PLEKHM3: variants seen among roughly 807,000 people sequenced by gnomAD.
The protein encoded by PLEKHM3 is pleckstrin homology domain containing M3.
In PLEKHM3, 45 loss-of-function variants were observed where a neutral mutation model predicts 81.8. That is an observed-to-expected ratio of 0.55 (90% CI 0.43 to 0.71). The LOEUF (loss-of-function observed/expected upper bound fraction) is 0.71. PLEKHM3 is among the 30% of genes least tolerant of loss of function. The pLI, the probability that PLEKHM3 is intolerant of heterozygous loss-of-function variation, is 0.00. For missense variants in PLEKHM3, 788 were observed against 924.3 expected, an observed-to-expected ratio of 0.85 and a Z score of 1.91; for synonymous variants, 352 against 356.4, an observed-to-expected ratio of 0.99 and a Z score of 0.14.
At chr2:207,848,135 G>T (rs567075275) in intron 7 of PLEKHM3, among the ~76,000 whole-genome samples, 1 of 152,174 alleles carries the variant, frequency 6.6e-6, no homozygotes, top group Non-Finnish European at 1.5e-5. Flanking sequence ...AAAAACAAAG[G>T]CCGAGCAAAT....
intron 1 of PLEKHM3, among the ~76,000 whole-genome samples, chr2:208,007,682 C>G (rs893197972): frequency 6.6e-6 from 1 of 152,156 alleles, no homozygotes; most frequent in African/African-American, 2.4e-5. Flanking sequence ...CTTTGGGAGG[C>G]TGAGGCAGGA....
At chr2:207,941,910 A>G (rs1239902908) in intron 4 of PLEKHM3, among the ~76,000 whole-genome samples, 2 of 152,248 alleles carry the variant, frequency 1.3e-5, no homozygotes, top group African/African-American at 2.4e-5. Flanking sequence ...CAAAACCACA[A>G]TGAGATATCA....
intron 3 of PLEKHM3, among the ~76,000 whole-genome samples, chr2:207,947,496 C>T (rs56158653): frequency 0.034 from 5,223 of 152,218 alleles, 277 homozygotes; most frequent in African/African-American, 0.12. Flanking sequence ...ACAATCATCC[C>T]CAAGGACAAA....
At chr2:207,923,878 CACATAT>C (rs1339899246) in intron 5 of PLEKHM3, among the ~76,000 whole-genome samples, 49 of 38,944 alleles carry the variant, frequency 1.3e-3, no homozygotes, top group Admixed American at 6.6e-3. Context: ...CACACACACA[CACATAT>C]ATATATATAT....
At position 207,977,125 on chromosome 2, in the gene PLEKHM3, G is replaced by C. The variant is rs746708061; in HGVS notation, c.1072C>G (p.Gln358Glu). ...PPSPVLDSSK[Q>E]YQNILKSGTL... The stretch of plus-strand genomic sequence containing the variant: ...CCTGATTTGAGGATGTTTTGGTACT[G>C]TTTGGAGCTGTCCAGGACAGGGGAC... The change falls in exon 3 of 8, where the codon CAG becomes GAG. Residue 358 changes from glutamine (Q) to glutamate (E), a missense_variant. Gln to Glu is a conservative substitution (Grantham distance 29). Coordinates refer to ENST00000427836, the MANE Select transcript of PLEKHM3 (RefSeq NM_001080475.3). The C allele has an allele frequency of 1.9e-6, 3 of 1,614,110 alleles. No individual in the cohort carries two copies. In the East Asian group the frequency reaches 6.7e-5, roughly 36 times the overall value.
At chr2:207,912,504 T>A (rs573647479) in intron 5 of PLEKHM3, among the ~76,000 whole-genome samples, 17 of 152,308 alleles carry the variant, frequency 1.1e-4, no homozygotes, top group African/African-American at 4.1e-4. Flanking sequence ...GCTTATTGTG[T>A]CTGGAGAACT....
At position 207,976,812 on chromosome 2, in the gene PLEKHM3, T is replaced by C. The variant is rs1416740620; in HGVS notation, c.1385A>G (p.Glu462Gly). 6.2e-7 allele frequency: 1 copy of C among 1,614,246 alleles called. No homozygotes were observed. The highest frequency in any genetic ancestry group is 8.5e-7 in the Non-Finnish European group (1 of 1,180,052). ...CCTCAGTGTGACTTGCAGGTTTTGC[T>C]CTGAACTCCTCGCCACATTGGCAGC... Reference protein sequence around the residue: ...KIAANVARSSEQNLQVTLRNK... With the variant: ...KIAANVARSSGQNLQVTLRNK... The change falls in exon 3 of 8, where the codon GAG (glutamate) becomes GGG (glycine). Residue 462 changes from glutamate (E) to glycine (G), a missense_variant. Glu to Gly is a moderately conservative substitution (Grantham distance 98). Transcript: ENST00000427836. This position sits in a 1 kb window ranked among gnomAD's most constrained non-coding sequence, Gnocchi z 4.1.
intron 7 of PLEKHM3, among the ~76,000 whole-genome samples, chr2:207,831,188 GA>G (rs1261190491): frequency 6.6e-6 from 1 of 152,230 alleles, no homozygotes; most frequent in Non-Finnish European, 1.5e-5. Context: ...ATTGCAGCCT[GA>G]CTTCACCCAT....
chr2:207,960,733 T>TA (rs775402739), intron 3 of PLEKHM3, among the ~76,000 whole-genome samples: 2 of 152,194 alleles, frequency 1.3e-5, no homozygotes, highest in Non-Finnish European at 2.9e-5. Flanking sequence ...AGAGTCGGGC[T>TA]AAAGGGGCTG....
rs1039770902 is a variant in PLEKHM3 at position 207,976,039 on chromosome 2, C to T, written c.1546+612G>A. On this transcript the variant is annotated intron_variant, in intron 3 of 7. Transcript: ENST00000427836. This position sits in a 1 kb window ranked among gnomAD's most constrained non-coding sequence, Gnocchi z 4.1. ...CACTTTGCATCTCATCCTTACATAGCAGTTCCAGAAGGCCTGGGCTTCCCC... is the reference window on the plus strand; with the variant it reads ...CACTTTGCATCTCATCCTTACATAGTAGTTCCAGAAGGCCTGGGCTTCCCC... 6.6e-6 allele frequency among the ~76,000 whole-genome samples: 1 copy of T among 152,014 alleles called. No individual in the cohort carries two copies. Among genetic ancestry groups the T allele is most frequent in the Non-Finnish European group, 1.5e-5 (1 of 68,026 alleles).
chr2:207,840,487 T>C (rs903396451), intron 7 of PLEKHM3, among the ~76,000 whole-genome samples: 19 of 152,244 alleles, frequency 1.2e-4, no homozygotes, highest in African/African-American at 4.6e-4. Flanking sequence ...TGAGCCACCA[T>C]GCCCAGCCAA....
chr2:207,838,084 A>G (rs1470619371), intron 7 of PLEKHM3, among the ~76,000 whole-genome samples: 2 of 152,092 alleles, frequency 1.3e-5, no homozygotes, highest in East Asian at 3.9e-4. Context: ...GAGTTCTCCC[A>G]TTTTTATTAA....
intron 2 of PLEKHM3, among the ~76,000 whole-genome samples, chr2:207,987,381 C>T (rs1691763228): frequency 6.6e-6 from 1 of 152,222 alleles, no homozygotes; most frequent in South Asian, 2.1e-4. Context: ...CTAAACTTCA[C>T]CTGTTATACA....
intron 7 of PLEKHM3, among the ~76,000 whole-genome samples, chr2:207,858,174 G>GTGTGTGTGTA (rs373920637): frequency 0.039 from 4,800 of 122,998 alleles, 115 homozygotes; most frequent in Middle Eastern, 0.062. Context: ...GTGTGTGTGT[G>GTGTGTGTGTA]TATATATTTT....
chr2:207,867,802 T>C (rs1250904759), intron 6 of PLEKHM3, among the ~76,000 whole-genome samples: 1 of 152,130 alleles, frequency 6.6e-6, no homozygotes, highest in Non-Finnish European at 1.5e-5. Context: ...CCAAGAGCCT[T>C]AACTTTCACT....
chr2:207,958,689 C>A (rs1314496719), intron 3 of PLEKHM3, among the ~76,000 whole-genome samples: 1 of 152,144 alleles, frequency 6.6e-6, no homozygotes, highest in South Asian at 2.1e-4. Flanking sequence ...GTGGGCGGAC[C>A]ACCTAAGGTC....
At chr2:207,837,632 C>CTTTTTTTT (rs756408346) in intron 7 of PLEKHM3, among the ~76,000 whole-genome samples, 2 of 106,006 alleles carry the variant, frequency 1.9e-5, no homozygotes, top group Non-Finnish European at 3.6e-5. Flanking sequence ...ATAGTTCTCC[C>CTTTTTTTT]TTTTTTTTTT....
chr2:208,011,604 T>C (rs539847049), intron 1 of PLEKHM3, among the ~76,000 whole-genome samples: 2 of 151,458 alleles, frequency 1.3e-5, no homozygotes, highest in Non-Finnish European at 2.9e-5. Flanking sequence ...TTTGGGGACT[T>C]AGGGGGACAG....
chr2:207,849,154 C>T (rs375475852), intron 7 of PLEKHM3, among the ~76,000 whole-genome samples: 2 of 152,070 alleles, frequency 1.3e-5, no homozygotes, highest in Admixed American at 6.5e-5. Context: ...GCCAACATGG[C>T]GAAACCCCAT....
Sources: gnomAD v4.1 joint callset for allele counts (sites outside exome capture counted in the v4.1 genomes callset) on GRCh38, gnomAD v4.1.1 for gene constraint, Gnocchi (gnomAD v3.1) non-coding constraint, MANE v1.5 for transcripts, NCBI Gene and HGNC (gene_info 2026-07-23, HGNC 2026-07-21) for gene names.